KDELR3: variants seen among roughly 807,000 people sequenced by gnomAD.
The protein encoded by KDELR3 is ER lumen protein-retaining receptor 3.
KDELR3 carries 26 observed loss-of-function variants against 22.7 expected under a neutral mutation model. The ratio of observed to expected loss-of-function variants is 1.15; its 90% CI spans 0.84 to 1.59. The LOEUF is 1.59. Among genes scored for constraint, KDELR3 ranks in the 40% most tolerant of loss-of-function variants. The probability of loss-of-function intolerance (pLI) is 0.00; values close to 1 mark genes in which losing one functional copy is unlikely to be tolerated. For missense variants in KDELR3, 289 were observed against 251.1 expected, an observed-to-expected ratio of 1.15 and a Z score of -1.02; for synonymous variants, 120 against 98.2, an observed-to-expected ratio of 1.22 and a Z score of -1.31.
chr22:38,483,193 G>C lies in KDELR3; in HGVS notation c.*657G>C, dbSNP rs2089618047. ...AATACCAATAACCTAATGGTACTTA[G>C]GCGAGTACCATTTGCACAATCACTG... On this transcript the variant is annotated 3_prime_UTR_variant, in exon 5 of 5. Coordinates refer to ENST00000216014, the MANE Select transcript of KDELR3 (RefSeq NM_006855.4). The C allele has an allele frequency of 6.6e-6, 1 of 152,192 alleles. No homozygotes were observed. The highest frequency in any genetic ancestry group is 1.5e-5 in the Non-Finnish European group (1 of 68,106). The allele number at this position is 152,192 out of a possible 1,614,324, so 9.4% of individuals were successfully genotyped here. A position where few individuals can be genotyped will look rare whatever the true frequency, so the allele number is the denominator to read the frequency against.
intron 1 of KDELR3, among the ~76,000 whole-genome samples, chr22:38,469,199 T>C (rs895390616): frequency 1.3e-5 from 2 of 152,088 alleles, no homozygotes; most frequent in Non-Finnish European, 2.9e-5. Flanking sequence ...TGTGGAGGGC[T>C]CCGGGGATGA....
At chr22:38,476,762 G>T (rs1388772606) in intron 2 of KDELR3, among the ~76,000 whole-genome samples, 1 of 151,128 alleles carries the variant, frequency 6.6e-6, no homozygotes, top group Non-Finnish European at 1.5e-5. Flanking sequence ...CTGACCTCGT[G>T]ATCTGCCCAC....
intron 1 of KDELR3, among the ~76,000 whole-genome samples, chr22:38,469,275 G>A (rs1053877983): frequency 6.6e-6 from 1 of 152,244 alleles, no homozygotes; most frequent in Non-Finnish European, 1.5e-5. Context: ...ATTTGGGGTG[G>A]TCTGGAGGGA....
At chr22:38,468,595 G>A (rs1372541153) in intron 1 of KDELR3, among the ~76,000 whole-genome samples, 1 of 152,166 alleles carries the variant, frequency 6.6e-6, no homozygotes, top group East Asian at 1.9e-4. Context: ...GGAAGAGGGG[G>A]TTATAAGGGA....
intron 1 of KDELR3, among the ~76,000 whole-genome samples, chr22:38,470,403 A>C (rs1248053603): frequency 6.6e-6 from 1 of 152,144 alleles, no homozygotes; most frequent in Non-Finnish European, 1.5e-5. Flanking sequence ...GGTGGACCTG[A>C]CTTTCTAGTG....
chr22:38,468,141 G>A lies in KDELR3; in HGVS notation c.-93G>A. ...CGCAGGCAGGGCTCTGGGGCACCTA[G>A]AGACCGGGGCCGGAGACGTGGCAGC... is the stretch of plus-strand genomic sequence containing the variant. On this transcript the variant is annotated 5_prime_UTR_variant, in exon 1 of 5. Coordinates refer to ENST00000216014, the MANE Select transcript of KDELR3 (RefSeq NM_006855.4). 2 of 1,137,246 alleles carry A rather than the reference G, an allele frequency of 1.8e-6. No individual in the cohort carries two copies. The highest frequency in any genetic ancestry group is 3.8e-5 in the Admixed American group (2 of 52,526). The allele number at this position is 1,137,246 out of a possible 1,614,324, so 70.4% of individuals were successfully genotyped here.
At chr22:38,476,377 G>A (rs924487866) in intron 2 of KDELR3, among the ~76,000 whole-genome samples, 5 of 151,862 alleles carry the variant, frequency 3.3e-5, no homozygotes, top group African/African-American at 9.7e-5. Context: ...CTGCCACTGC[G>A]CCCAGCTAAG....
intron 1 of KDELR3, among the ~76,000 whole-genome samples, chr22:38,470,724 T>C (rs1405457011): frequency 6.6e-6 from 1 of 152,192 alleles, no homozygotes; most frequent in Non-Finnish European, 1.5e-5. Flanking sequence ...GGTCCACCTA[T>C]GCTTAGTGGA....
rs2089584414 is a variant in KDELR3, at chr22:38,479,619, TAC to T, written c.221_222del (p.Thr74SerfsTer10). The T allele has an allele frequency of 5.0e-6, 8 of 1,613,898 alleles. No individual in the cohort carries two copies. The highest frequency in any genetic ancestry group is 1.3e-5 in the African/African-American group (1 of 74,920). On this transcript the variant is annotated frameshift_variant, in exon 3 of 5. Transcript: ENST00000216014. LOFTEE classifies it high-confidence loss of function. ...KVVFLLCAYVTVYMIYGKFRK... is the reference protein window; with the variant it reads ...KVVFLLCAYVXVYMIYGKFRK... ...TGGTTTTTCTCCTCTGTGCCTATGT[TAC>T]AGTGTACATGATATATGGGAAATTC...
intron 4 of KDELR3, 22 bp from the exon 5 acceptor site, chr22:38,482,474 T>A (rs1366156707): frequency 1.5e-5 from 24 of 1,599,234 alleles, no homozygotes; most frequent in Non-Finnish European, 2.1e-5. Flanking sequence ...TAAATTCTTA[T>A]TTCATCTCCA....
rs1362385737 is a variant in KDELR3, at chr22:38,482,514, T to C, written c.623T>C (p.Leu208Ser). ...YVTKVLKGKKLSLPMPI is the reference protein window; with the variant it reads ...YVTKVLKGKKSSLPMPI Reference sequence around the variant, plus strand: ...CTTCCAGTCCTTAAGGGAAAGAAGTTAAGTCTTCCAATGCCAATCTGAGGA... The same window carrying C: ...CTTCCAGTCCTTAAGGGAAAGAAGTCAAGTCTTCCAATGCCAATCTGAGGA... Residue 208 changes from leucine to serine, a missense_variant, in exon 5 of 5, where the codon TTA (leucine) becomes TCA (serine). Transcript: ENST00000216014. 7.4e-6 allele frequency: 12 copies of C among 1,613,028 alleles called. No individual in the cohort carries two copies. Among genetic ancestry groups the C allele is most frequent in the Non-Finnish European group, 1.0e-5 (12 of 1,178,958 alleles).
At chr22:38,471,404 G>T (rs974511996) in intron 1 of KDELR3, among the ~76,000 whole-genome samples, 1 of 152,184 alleles carries the variant, frequency 6.6e-6, no homozygotes, top group African/African-American at 2.4e-5. Context: ...CTGGCCTCAG[G>T]TCAGTATGGC....
chr22:38,473,383 G>A (rs2089536896), intron 1 of KDELR3, among the ~76,000 whole-genome samples: 2 of 152,218 alleles, frequency 1.3e-5, no homozygotes, highest in Non-Finnish European at 2.9e-5. Context: ...AGAGGCTGCA[G>A]TGAGCTATGA....
In KDELR3 at chr22:38,481,652, TTA is replaced by T. The variant is rs1198826492; in HGVS notation, c.604+190_604+191del. ...CCATAAAAACATGCAGGCCAATAGG[TTA>T]TGTGTACTATGCAAGACAGCTGTGA... On this transcript the variant is annotated intron_variant, in intron 4 of 4. Coordinates refer to ENST00000216014, the MANE Select transcript of KDELR3 (RefSeq NM_006855.4). The T allele has an allele frequency of 1.5e-5, 22 of 1,443,036 alleles. No homozygotes were observed. In the African/African-American group the frequency reaches 3.0e-4, roughly 20 times the overall value. 89.4% of individuals were successfully genotyped at this position (1,443,036 alleles called of 1,614,324 possible).
intron 1 of KDELR3, among the ~76,000 whole-genome samples, chr22:38,471,417 C>T (rs1043341469): frequency 1.3e-5 from 2 of 152,174 alleles, no homozygotes; most frequent in Admixed American, 6.5e-5. Context: ...AGTATGGCCT[C>T]CCCCAGTGGG....
intron 3 of KDELR3, 46 bp downstream of exon 3, chr22:38,479,797 C>A (rs779947023): frequency 2.5e-6 from 4 of 1,573,278 alleles, no homozygotes; most frequent in Non-Finnish European, 3.5e-6. Flanking sequence ...AAATATGCTC[C>A]CTGCATCCTT....
At chr22:38,477,297 A>G (rs1005210768) in intron 2 of KDELR3, among the ~76,000 whole-genome samples, 1 of 150,282 alleles carries the variant, frequency 6.7e-6, no homozygotes, top group Non-Finnish European at 1.5e-5. Flanking sequence ...TCCGCCTCCC[A>G]GGTTCAAGCG....
chr22:38,468,164 A>C lies in KDELR3; in HGVS notation c.-70A>C. On this transcript the variant is annotated 5_prime_UTR_variant, in exon 1 of 5. Coordinates refer to ENST00000216014, the MANE Select transcript of KDELR3 (RefSeq NM_006855.4). The stretch of plus-strand genomic sequence containing the variant: ...TAGAGACCGGGGCCGGAGACGTGGC[A>C]GCCGCCCTGCCCGCCAGAAAGTTTC... 1 of 1,407,014 alleles carries C rather than the reference A, an allele frequency of 7.1e-7. No homozygotes were observed. The highest frequency in any genetic ancestry group is 1.2e-5 in the South Asian group (1 of 85,102). The allele number at this position is 1,407,014 out of a possible 1,614,324, so 87.2% of individuals were successfully genotyped here. A position where few individuals can be genotyped will look rare whatever the true frequency, so the allele number is the denominator to read the frequency against.
At chr22:38,482,343 T>C (rs772442096) in intron 4 of KDELR3, among the ~76,000 whole-genome samples, 153 bp from the exon 5 acceptor site, 4 of 152,172 alleles carry the variant, frequency 2.6e-5, no homozygotes, top group Non-Finnish European at 5.9e-5. Flanking sequence ...AGTAGGTCCA[T>C]AGTCAACCGG....
Sources: gnomAD v4.1 joint callset for allele counts (sites outside exome capture counted in the v4.1 genomes callset) on GRCh38, gnomAD v4.1.1 for gene constraint, MANE v1.5 for transcripts, NCBI Gene and HGNC (gene_info 2026-07-23, HGNC 2026-07-21) for gene names.